The following COG2 variants were observed in gnomAD, a reference collection of about 807,000 sequenced individuals.
COG2 encodes conserved oligomeric Golgi complex subunit 2.
COG2 carries 52 observed loss-of-function variants against 90.6 expected under a neutral mutation model. That is an observed-to-expected ratio of 0.57 (90% CI 0.46 to 0.72). The LOEUF (loss-of-function observed/expected upper bound fraction) is 0.72, where lower values mean the gene tolerates loss of function less well. COG2 is among the 30% of genes least tolerant of loss of function. The pLI is 0.00. For synonymous variants in COG2, 337 were observed against 320.4 expected (o/e 1.05, Z -0.55); for missense variants, 829 against 891.2 (o/e 0.93, Z 0.89).
intron 10 of COG2, chr1:230,681,598 C>CA (rs1275802903): frequency 3.3e-5 from 5 of 152,180 alleles, no homozygotes; most frequent in Non-Finnish European, 7.3e-5. Context: ...AGACCTTCCC[C>CA]AGGCCTATAT....
intron 10 of COG2, 68 bp downstream of exon 10, chr1:230,679,120 T>A: frequency 6.8e-7 from 1 of 1,479,894 alleles, no homozygotes; most frequent in Non-Finnish European, 9.1e-7. Flanking sequence ...CAGTTAAGGA[T>A]GTTGCCTCAG....
chr1:230,686,844 TG>T, intron 12 of COG2, 90 bp from the exon 13 acceptor site: 1 of 697,764 alleles, frequency 1.4e-6, no homozygotes, highest in Non-Finnish European at 2.2e-6. Context: ...TAGCATTTAA[TG>T]GTGAGTTATT....
At chr1:230,644,983 G>A (rs1661726856) in intron 1 of COG2, among the ~76,000 whole-genome samples, 1 of 152,060 alleles carries the variant, frequency 6.6e-6, no homozygotes, top group Non-Finnish European at 1.5e-5. Context: ...TCACTTGAGG[G>A]GTCAAAGGTG....
At chr1:230,689,397 C>T (rs576633917) in intron 15 of COG2, among the ~76,000 whole-genome samples, 1 of 152,312 alleles carries the variant, frequency 6.6e-6, no homozygotes, top group African/African-American at 2.4e-5. Context: ...TAGGCTGTTA[C>T]AGTAATACAT....
chr1:230,649,240 A>C (rs1661858677), intron 1 of COG2, among the ~76,000 whole-genome samples: 1 of 152,164 alleles, frequency 6.6e-6, no homozygotes, highest in Non-Finnish European at 1.5e-5. Context: ...TTGGTAACCA[A>C]ATAAAGGTTT....
chr1:230,675,190 C>T, intron 9 of COG2, 66 bp downstream of exon 9: 3 of 1,542,226 alleles, frequency 1.9e-6, no homozygotes, highest in Non-Finnish European at 2.6e-6. Context: ...ATATCATGTT[C>T]TCTTCTACTT....
chr1:230,670,104 G>GC (rs1662413477), intron 7 of COG2: 1 of 152,362 alleles, frequency 6.6e-6, no homozygotes, highest in Non-Finnish European at 1.5e-5. Flanking sequence ...TAGCAAATTA[G>GC]CCAAGTAATA....
intron 8 of COG2, among the ~76,000 whole-genome samples, chr1:230,674,792 G>T (rs1160862355): frequency 6.6e-6 from 1 of 152,216 alleles, no homozygotes; most frequent in Non-Finnish European, 1.5e-5. Flanking sequence ...GGATCTAGGA[G>T]ATTTGCCAGG....
intron 12 of COG2, among the ~76,000 whole-genome samples, chr1:230,685,697 A>T (rs927220520): frequency 6.6e-6 from 1 of 152,224 alleles, no homozygotes; most frequent in Non-Finnish European, 1.5e-5. Flanking sequence ...CCCTTTTCAA[A>T]TAATCAAATA....
At chr1:230,646,425 T>C (rs1661777375) in intron 1 of COG2, among the ~76,000 whole-genome samples, 1 of 152,128 alleles carries the variant, frequency 6.6e-6, no homozygotes, top group South Asian at 2.1e-4. Context: ...GGTCTCCTTG[T>C]CTCTTTTGCA....
chr1:230,668,784 G>C lies in COG2; in HGVS notation c.594G>C (p.Pro198=). 6.4e-7 allele frequency: 1 copy of C among 1,574,432 alleles called. No homozygotes were observed. Residue 198 remains proline (P), a splice_region_variant and synonymous_variant, in exon 6 of 18, where the codon CCG becomes CCC. Transcript: ENST00000366669. ...TGCCTCTTTTGGACAAAGTAAGACC[G>C]GTAAGTGTTGTTTTGGATTTCCACA... is the stretch of plus-strand genomic sequence containing the variant. ...KGMPLLDKVR[P]RIAGITAMLQ... is the part of the protein sequence containing the mutation.
chr1:230,645,410 G>A (rs1240634560), intron 1 of COG2, among the ~76,000 whole-genome samples: 5 of 152,028 alleles, frequency 3.3e-5, no homozygotes, highest in African/African-American at 4.8e-5. Context: ...TCTGTCTCAC[G>A]TATGACTTCA....
At position 230,693,344 on chromosome 1, in the gene COG2, C is replaced by T. The variant is rs781459524; in HGVS notation, c.2168C>T (p.Ala723Val). ...ASDIKSFSALAELVAAAKDQA... is the reference protein window; with the variant it reads ...ASDIKSFSALVELVAAAKDQA... Reference sequence around the variant, plus strand: ...GACATAAAAAGCTTCTCAGCTCTCGCAGAGCTTGTTGCTGCTGCCAAGGAC... The same window carrying T: ...GACATAAAAAGCTTCTCAGCTCTCGTAGAGCTTGTTGCTGCTGCCAAGGAC... The change falls in exon 18 of 18, where the codon GCA (alanine) becomes GTA (valine). Residue 723 changes from alanine to valine, a missense_variant. Physicochemically the swap from Ala to Val is moderately conservative, Grantham distance 64. Transcript: ENST00000366669. 3.1e-6 allele frequency: 5 copies of T among 1,613,666 alleles called. No homozygotes were observed. The highest frequency in any genetic ancestry group is 4.2e-6 in the Non-Finnish European group (5 of 1,179,730).
intron 1 of COG2, among the ~76,000 whole-genome samples, chr1:230,648,655 A>G (rs1661844717): frequency 6.6e-6 from 1 of 152,230 alleles, no homozygotes; most frequent in Non-Finnish European, 1.5e-5. Context: ...AAAATGTTGA[A>G]CTCATGGTCC....
chr1:230,653,201 G>A (rs182329881), intron 1 of COG2, among the ~76,000 whole-genome samples: 3 of 150,468 alleles, frequency 2.0e-5, no homozygotes, highest in African/African-American at 7.3e-5. Context: ...CAATGAATTT[G>A]ACTTTATTTT....
Position 230,693,322 on chromosome 1 carries a change from A to G in COG2, c.2146A>G (p.Ile716Val), listed in dbSNP as rs1663086392. 1 of 1,613,776 alleles carries G rather than the reference A, an allele frequency of 6.2e-7. No individual in the cohort carries two copies. The highest frequency in any genetic ancestry group is 8.5e-7 in the Non-Finnish European group (1 of 1,179,722). Residue 716 changes from isoleucine to valine, a missense_variant, in exon 18 of 18, where the codon ATA becomes GTA. Transcript: ENST00000366669. ...IQKLGLQASDIKSFSALAELV... is the reference protein window; with the variant it reads ...IQKLGLQASDVKSFSALAELV... ...AAAGTTGGGACTACAAGCAAGTGAC[A>G]TAAAAAGCTTCTCAGCTCTCGCAGA...
At chr1:230,669,150 G>A (rs574921673) in intron 6 of COG2, 42 of 500,200 alleles carry the variant, frequency 8.4e-5, no homozygotes, top group African/African-American at 6.4e-4. Context: ...CTGTAATTCT[G>A]TCTAAATTCT....
intron 1 of COG2, among the ~76,000 whole-genome samples, chr1:230,643,442 AT>A (rs1426994129): frequency 1.3e-5 from 2 of 152,212 alleles, no homozygotes; most frequent in African/African-American, 4.8e-5. Context: ...AAATGTTTCT[AT>A]TTAATTTCCT....
intron 7 of COG2, chr1:230,670,302 T>TG (rs1662417951): frequency 6.6e-6 from 1 of 152,212 alleles, no homozygotes; most frequent in Non-Finnish European, 1.5e-5. Context: ...GAGAAGTCAC[T>TG]GAGCCCGTCC....
Sources: allele counts gnomAD v4.1 joint callset (sites outside exome capture counted in the v4.1 genomes callset), GRCh38; gene constraint gnomAD v4.1.1; transcripts MANE v1.5; gene names NCBI Gene and HGNC (gene_info 2026-07-23, HGNC 2026-07-21).